MAP4K4: variants seen among roughly 807,000 people sequenced by gnomAD.
MAP4K4 encodes the protein HPK/GCK-like kinase HGK.
Under a neutral mutation model 189.6 loss-of-function variants are expected in MAP4K4, and 38 were observed. The observed-to-expected ratio is 0.20, with a 90% CI of 0.15 to 0.26. The LOEUF is 0.26. MAP4K4 is among the 10% of genes least tolerant of loss of function. The pLI, the probability that MAP4K4 is intolerant of heterozygous loss-of-function variation, is 1.00. For missense variants in MAP4K4, 1,054 were observed against 1,726.9 expected (o/e 0.61, Z 6.91); for synonymous variants, 610 against 624.3 (o/e 0.98, Z 0.34).
At chr2:101,839,722 C>G in intron 9 of MAP4K4, 97 bp from the exon 10 acceptor site, 3 of 896,136 alleles carry the variant, frequency 3.3e-6, no homozygotes, top group East Asian at 2.7e-5. Flanking sequence ...ACAGTGAATT[C>G]TGAAGCTCTT....
intron 2 of MAP4K4, among the ~76,000 whole-genome samples, chr2:101,781,929 C>T (rs1439909599): frequency 6.6e-6 from 1 of 152,198 alleles, no homozygotes; most frequent in Admixed American, 6.5e-5. Flanking sequence ...ACACAGCACA[C>T]AGCTGTAAAT....
chr2:101,820,328 A>G (rs2095971542), intron 3 of MAP4K4, among the ~76,000 whole-genome samples: 1 of 152,176 alleles, frequency 6.6e-6, no homozygotes, highest in Non-Finnish European at 1.5e-5. Context: ...GGCAAAGGTA[A>G]GGGTGGGATT....
At chr2:101,720,922 A>G (rs2051516703) in intron 2 of MAP4K4, among the ~76,000 whole-genome samples, 1 of 151,248 alleles carries the variant, frequency 6.6e-6, no homozygotes, top group African/African-American at 2.4e-5. Flanking sequence ...AGAGAATAAC[A>G]TTTTTAATAC....
intron 29 of MAP4K4, among the ~76,000 whole-genome samples, chr2:101,885,533 G>A (rs560299991): frequency 1.3e-5 from 2 of 152,324 alleles, no homozygotes; most frequent in Non-Finnish European, 2.9e-5. Flanking sequence ...GTGGCAATGT[G>A]TTCACAGAGG....
intron 2 of MAP4K4, among the ~76,000 whole-genome samples, chr2:101,735,089 T>G (rs1236567908): frequency 6.6e-6 from 1 of 152,230 alleles, no homozygotes; most frequent in Non-Finnish European, 1.5e-5. Context: ...CGAAAGCCCT[T>G]TATTTTCCCT....
intron 16 of MAP4K4, among the ~76,000 whole-genome samples, chr2:101,863,030 A>G (rs13426931): frequency 0.035 from 5,270 of 152,292 alleles, 303 homozygotes; most frequent in African/African-American, 0.12. Context: ...TTTTTCAGAG[A>G]TCATTTTCCC....
intron 32 of MAP4K4, among the ~76,000 whole-genome samples, chr2:101,889,500 C>T (rs775054413): frequency 5.9e-5 from 9 of 152,166 alleles, no homozygotes; most frequent in Admixed American, 1.3e-4. Context: ...ACTCCAGGGA[C>T]GATTCCTGTG....
intron 12 of MAP4K4, among the ~76,000 whole-genome samples, chr2:101,844,888 G>A (rs955427160): frequency 6.6e-6 from 1 of 151,994 alleles, no homozygotes; most frequent in Non-Finnish European, 1.5e-5. Context: ...GTTTACCTAT[G>A]TAACAAACCA....
intron 2 of MAP4K4, among the ~76,000 whole-genome samples, chr2:101,767,457 G>C (rs1006330888): frequency 3.9e-5 from 6 of 152,208 alleles, no homozygotes; most frequent in African/African-American, 1.4e-4. Context: ...AGGAATTTCA[G>C]AGGGAGCTTT....
chr2:101,714,318 G>A (rs2047277545), intron 2 of MAP4K4, among the ~76,000 whole-genome samples: 1 of 152,062 alleles, frequency 6.6e-6, no homozygotes, highest in African/African-American at 2.4e-5. Flanking sequence ...GGAAGTTTTC[G>A]CTAAAATGCA....
intron 17 of MAP4K4, 107 bp downstream of exon 17, chr2:101,864,158 G>A (rs762131005): frequency 9.7e-6 from 5 of 516,518 alleles, no homozygotes; most frequent in Non-Finnish European, 1.5e-5. Flanking sequence ...AATTTAAAGG[G>A]GCATTGAAAT....
At chr2:101,723,965 C>T (rs1190228749) in intron 2 of MAP4K4, among the ~76,000 whole-genome samples, 1 of 152,180 alleles carries the variant, frequency 6.6e-6, no homozygotes, top group Non-Finnish European at 1.5e-5. Context: ...GGTCGGCTGA[C>T]ATTTTCTTCC....
intron 15 of MAP4K4, 29 bp downstream of exon 15, chr2:101,859,893 T>C (rs2149832772): frequency 6.4e-7 from 1 of 1,568,126 alleles, no homozygotes. Flanking sequence ...CACTTAGACA[T>C]TGCCCTGGAA....
At chr2:101,826,440 C>T (rs2096363697) in intron 5 of MAP4K4, among the ~76,000 whole-genome samples, 1 of 152,044 alleles carries the variant, frequency 6.6e-6, no homozygotes, top group East Asian at 1.9e-4. Context: ...GGTAGGGTGA[C>T]AGGAGAACCA....
intron 2 of MAP4K4, among the ~76,000 whole-genome samples, chr2:101,713,458 C>T (rs1414527329): frequency 2.0e-5 from 3 of 151,736 alleles, no homozygotes; most frequent in East Asian, 2.0e-4. Flanking sequence ...GAGCTGGGCA[C>T]GGTGGCGCAT....
chr2:101,831,625 A>G (rs1282957211), intron 6 of MAP4K4, 96 bp from the exon 7 acceptor site: 1 of 1,321,860 alleles, frequency 7.6e-7, no homozygotes, highest in Non-Finnish European at 1.1e-6. Flanking sequence ...GTTTCAGTTT[A>G]CTATGAAGAC....
rs753506319 is a variant in MAP4K4, at chr2:101,762,844, AG to A, written c.124-27874del. On this transcript the variant is annotated intron_variant, in intron 2 of 32. Transcript: ENST00000324219. The stretch of plus-strand genomic sequence containing the variant: ...GGTGTAATTGGAACTGGGAGAGGAA[AG>A]GATTATGGAAAGCAATAGTCTGCTT... 7.2e-5 allele frequency among the ~76,000 whole-genome samples: 11 copies of A among 152,224 alleles called. No homozygotes were observed. In the East Asian group the frequency reaches 2.1e-3, roughly 29 times the overall value.
intron 7 of MAP4K4, among the ~76,000 whole-genome samples, chr2:101,832,406 T>C (rs1365634461): frequency 6.6e-6 from 1 of 152,216 alleles, no homozygotes; most frequent in Admixed American, 6.5e-5. Flanking sequence ...AATCCATGCC[T>C]TAATTAGATG....
chr2:101,825,372 C>G (rs759439414), exon 5 of MAP4K4: 3 of 1,613,258 alleles, frequency 1.9e-6, no homozygotes, highest in East Asian at 4.5e-5. Context: ...TGAAGAACAC[C>G]AAAGGGAACA....
Sources: allele counts gnomAD v4.1 joint callset (sites outside exome capture counted in the v4.1 genomes callset), GRCh38; gene constraint gnomAD v4.1.1; transcripts MANE v1.5; gene names NCBI Gene and HGNC (gene_info 2026-07-23, HGNC 2026-07-21).